ADARB2: variants seen among roughly 807,000 people sequenced by gnomAD.
The protein encoded by ADARB2 is inactive double-stranded RNA-specific editase B2.
A neutral mutation model predicts 62.2 loss-of-function variants in ADARB2; 25 were observed. The observed-to-expected ratio is 0.40, with a 90% CI of 0.29 to 0.56. The LOEUF (loss-of-function observed/expected upper bound fraction) is 0.56, where lower values mean the gene tolerates loss of function less well. ADARB2 is among the 20% of genes least tolerant of loss of function. ADARB2 has a pLI of 0.43. For synonymous variants in ADARB2, 572 were observed against 500.8 expected, an observed-to-expected ratio of 1.14 and a Z score of -1.90; for missense variants, 1,071 against 1,077.4, an observed-to-expected ratio of 0.99 and a Z score of 0.08.
chr10:1,490,170 C>G (rs910708287), intron 1 of ADARB2, among the ~76,000 whole-genome samples: 1 of 152,286 alleles, frequency 6.6e-6, no homozygotes, highest in African/African-American at 2.4e-5. Context: ...TAACGCCAGC[C>G]CCTTTAGTGG....
intron 1 of ADARB2, among the ~76,000 whole-genome samples, chr10:1,637,305 G>A (rs919160387): frequency 4.6e-5 from 7 of 152,176 alleles, no homozygotes; most frequent in Admixed American, 1.3e-4. Flanking sequence ...GAAGGAAGGA[G>A]CAGCGTTGCC....
intron 3 of ADARB2, among the ~76,000 whole-genome samples, chr10:1,284,573 A>G (rs1386942100): frequency 6.6e-6 from 1 of 152,166 alleles, no homozygotes; most frequent in Non-Finnish European, 1.5e-5. Context: ...CCCAACAACT[A>G]TGTGAAGAAC....
At chr10:1,367,779 T>A (rs368994568) in intron 2 of ADARB2, among the ~76,000 whole-genome samples, 1 of 152,212 alleles carries the variant, frequency 6.6e-6, no homozygotes, top group Non-Finnish European at 1.5e-5. Context: ...GTGGCTGGCG[T>A]TATTGCATGA....
chr10:1,692,634 G>A (rs1006272249), intron 1 of ADARB2, among the ~76,000 whole-genome samples: 9 of 152,118 alleles, frequency 5.9e-5, no homozygotes, highest in South Asian at 2.1e-4. Context: ...TGCTTTATAC[G>A]TTCATAATTA....
chr10:1,502,467 AT>A (rs774500921), intron 1 of ADARB2, among the ~76,000 whole-genome samples: 13 of 152,260 alleles, frequency 8.5e-5, no homozygotes, highest in Non-Finnish European at 1.3e-4. Flanking sequence ...AAATCCTGAG[AT>A]TCCCAGCAAG....
intron 1 of ADARB2, among the ~76,000 whole-genome samples, chr10:1,583,572 C>T (rs977592403): frequency 6.6e-6 from 1 of 152,094 alleles, no homozygotes; most frequent in Non-Finnish European, 1.5e-5. Context: ...CTACGAAACT[C>T]GAAAGAAAGA....
intron 1 of ADARB2, among the ~76,000 whole-genome samples, chr10:1,671,829 C>T (rs1019224564): frequency 6.6e-6 from 1 of 152,092 alleles, no homozygotes. Context: ...CACCGAGATG[C>T]CCAGGAAATC....
chr10:1,707,284 G>C (rs1360553612), intron 1 of ADARB2, among the ~76,000 whole-genome samples: 1 of 152,214 alleles, frequency 6.6e-6, no homozygotes, highest in Non-Finnish European at 1.5e-5. Flanking sequence ...CGTCAGAGGA[G>C]GCAGAGGGAA....
At chr10:1,557,082 C>G in intron 1 of ADARB2, 1 of 350,290 alleles carries the variant, frequency 2.9e-6, no homozygotes. Flanking sequence ...TCCCACTGTC[C>G]GAGGGTACCT....
chr10:1,181,703 G>A lies in ADARB2; in HGVS notation c.*1490C>T, dbSNP rs895289878. 4 of 152,146 alleles carry A rather than the reference G, an allele frequency of 2.6e-5. No individual in the cohort carries two copies. The highest frequency in any genetic ancestry group is 2.1e-4 in the South Asian group (1 of 4,818). 9.4% of individuals were successfully genotyped at this position (152,146 alleles called of 1,614,324 possible). ...GGGGTGGTCAGCTGGGATTCTTTCC[G>A]GGAAGCCCACACCCCAGAGGTGGAC... is the stretch of plus-strand genomic sequence containing the variant. On this transcript the variant is annotated 3_prime_UTR_variant, in exon 10 of 10. Coordinates refer to ENST00000381312, the MANE Select transcript of ADARB2 (RefSeq NM_018702.4).
Position 1,711,164 on chromosome 10 carries a change from T to C in ADARB2, c.100+25887A>G, listed in dbSNP as rs577635837. On this transcript the variant is annotated intron_variant, in intron 1 of 9. Coordinates refer to ENST00000381312, the MANE Select transcript of ADARB2 (RefSeq NM_018702.4). ...ATGCCAGGCAGCCCCATCTGGAAGC[T>C]CAGGGCTGGATCTCAGGTGTTAGTC... Among the ~76,000 whole-genome samples the C allele has an allele frequency of 1.9e-3, 284 of 152,234 alleles. 2 individuals carry two copies. The highest frequency in any genetic ancestry group is 6.6e-3 in the African/African-American group (274 of 41,546).
chr10:1,270,907 C>T lies in ADARB2; in HGVS notation c.1192+48G>A, dbSNP rs191142983. 5,864 of 1,540,266 alleles carry T rather than the reference C, an allele frequency of 3.8e-3. 10 individuals are homozygous for T. The highest frequency in any genetic ancestry group is 4.7e-3 in the Non-Finnish European group (5,222 of 1,120,194). On this transcript the variant is annotated intron_variant, in intron 4 of 9. Coordinates refer to ENST00000381312, the MANE Select transcript of ADARB2 (RefSeq NM_018702.4). ...CCAAGATCAGGTAGATGCTAATGCT[C>T]CTTTCTTTAGAGATGAAAATGCCCA...
intron 1 of ADARB2, chr10:1,556,594 T>C (rs771300518): frequency 6.4e-6 from 3 of 468,386 alleles, no homozygotes; most frequent in Non-Finnish European, 1.3e-5. Flanking sequence ...ATTTGCTTTT[T>C]TCTGTCTCTT....
chr10:1,398,396 C>G lies in ADARB2; in HGVS notation c.101-19236G>C, dbSNP rs1250651784. Among the ~76,000 whole-genome samples, 2 of 152,242 alleles carry G rather than the reference C, an allele frequency of 1.3e-5. No individual in the cohort carries two copies. The highest frequency in any genetic ancestry group is 4.8e-5 in the African/African-American group (2 of 41,460). ...CATGAGCGCTCCTCGGGACATCTGG[C>G]CTTTCACCTGTGCATGGTTGGGAGG... On this transcript the variant is annotated intron_variant, in intron 1 of 9. Coordinates refer to ENST00000381312, the MANE Select transcript of ADARB2 (RefSeq NM_018702.4). This position sits in a 1 kb window ranked among gnomAD's most constrained non-coding sequence, Gnocchi z 4.1.
intron 8 of ADARB2, among the ~76,000 whole-genome samples, chr10:1,188,658 G>A (rs539744167): frequency 4.0e-5 from 6 of 150,628 alleles, no homozygotes; most frequent in African/African-American, 1.5e-4. Flanking sequence ...GATAGTGTTG[G>A]GATGTTTCCT....
chr10:1,195,124 C>G (rs934382625), intron 8 of ADARB2, among the ~76,000 whole-genome samples: 7 of 152,214 alleles, frequency 4.6e-5, no homozygotes, highest in Non-Finnish European at 8.8e-5. Context: ...AAGCACCTCT[C>G]AGCCCTTCAG....
At chr10:1,312,065 T>C (rs1218333874) in intron 3 of ADARB2, among the ~76,000 whole-genome samples, 2 of 152,234 alleles carry the variant, frequency 1.3e-5, no homozygotes, top group South Asian at 2.1e-4. Flanking sequence ...TAAACTCATG[T>C]GAAAATAAAG....
intron 8 of ADARB2, among the ~76,000 whole-genome samples, chr10:1,187,166 C>T (rs74400961): frequency 0.018 from 2,729 of 152,340 alleles, 98 homozygotes; most frequent in African/African-American, 0.061. Context: ...AAGTGATTCA[C>T]GGTGGCAGCT....
At chr10:1,671,708 A>T (rs563528707) in intron 1 of ADARB2, among the ~76,000 whole-genome samples, 7 of 151,992 alleles carry the variant, frequency 4.6e-5, no homozygotes, top group Non-Finnish European at 5.9e-5. Flanking sequence ...TCCAGCTGCG[A>T]CAGTGTACCC....
Sources: allele counts gnomAD v4.1 joint callset (sites outside exome capture counted in the v4.1 genomes callset), GRCh38; gene constraint gnomAD v4.1.1; non-coding constraint Gnocchi (gnomAD v3.1); transcripts MANE v1.5; gene names NCBI Gene and HGNC (gene_info 2026-07-23, HGNC 2026-07-21).